Variants in SH3PXD2A observed in about 807,000 individuals in gnomAD.
SH3PXD2A encodes the protein SH3 and PX domains 2A.
A neutral mutation model predicts 115.2 loss-of-function variants in SH3PXD2A; 32 were observed. The ratio of observed to expected loss-of-function variants is 0.28; its 90% CI spans 0.21 to 0.37. The LOEUF (loss-of-function observed/expected upper bound fraction) is 0.37, where lower values mean the gene tolerates loss of function less well. Among genes scored for constraint, SH3PXD2A ranks in the 10% least tolerant of loss-of-function variants. SH3PXD2A has a pLI of 1.00. For synonymous variants in SH3PXD2A, 610 were observed against 629.1 expected (o/e 0.97, Z 0.45); for missense variants, 1,328 against 1,498.7 (o/e 0.89, Z 1.88).
At chr10:103,850,757 C>G (rs1358190449) in intron 1 of SH3PXD2A, among the ~76,000 whole-genome samples, 1 of 152,218 alleles carries the variant, frequency 6.6e-6, no homozygotes, top group African/African-American at 2.4e-5. Context: ...CTGTGAAAAG[C>G]TGGGCCGTCC....
At chr10:103,730,271 T>A (rs1288593025) in intron 4 of SH3PXD2A, among the ~76,000 whole-genome samples, 1 of 130,160 alleles carries the variant, frequency 7.7e-6, no homozygotes, top group Admixed American at 7.3e-5. Flanking sequence ...TGCACACTGA[T>A]TTTTTTTGTT....
intron 1 of SH3PXD2A, among the ~76,000 whole-genome samples, chr10:103,842,474 A>C (rs2039610555): frequency 6.6e-6 from 1 of 152,148 alleles, no homozygotes; most frequent in South Asian, 2.1e-4. Flanking sequence ...TCCTTACTGT[A>C]CTATCAAATA....
rs1401203240 is a variant in SH3PXD2A at position 103,603,550 on chromosome 10, A to G, written c.1668T>C (p.Pro556=). 6.2e-7 allele frequency: 1 copy of G among 1,612,758 alleles called. No individual in the cohort carries two copies. The highest frequency in any genetic ancestry group is 1.7e-5 in the Admixed American group (1 of 59,880). Residue 556 remains proline, a synonymous_variant, in exon 15 of 15, where the codon CCT becomes CCC. Coordinates refer to ENST00000369774, the MANE Select transcript of SH3PXD2A (RefSeq NM_001394015.1). ...DSPRKLKYEE[P]EYDIPAFGFD... ...AGCCGAATGCAGGGATGTCATACTC[A>G]GGCTCCTCATACTTGAGCTTCCGCG...
chr10:103,790,821 G>A (rs1166646612), intron 2 of SH3PXD2A, among the ~76,000 whole-genome samples: 1 of 152,246 alleles, frequency 6.6e-6, no homozygotes, highest in Non-Finnish European at 1.5e-5. Flanking sequence ...ATGAGTGGGA[G>A]ATAGCAACAT....
At chr10:103,809,324 C>G (rs571132093) in intron 1 of SH3PXD2A, among the ~76,000 whole-genome samples, 2 of 152,282 alleles carry the variant, frequency 1.3e-5, no homozygotes, top group Admixed American at 1.3e-4. Context: ...CATCTGACAA[C>G]AGGACTTTGT....
intron 8 of SH3PXD2A, among the ~76,000 whole-genome samples, chr10:103,633,727 CAA>C (rs35917262): frequency 1.8e-3 from 135 of 74,306 alleles, no homozygotes; most frequent in African/African-American, 3.9e-3. Context: ...GATTCTGTCT[CAA>C]AAAAAAAAAA....
At chr10:103,752,817 T>C (rs2134207040) in intron 3 of SH3PXD2A, among the ~76,000 whole-genome samples, 1 of 152,322 alleles carries the variant, frequency 6.6e-6, no homozygotes, top group East Asian at 1.9e-4. Flanking sequence ...CTTCATAGGT[T>C]TGGGTTTCCA....
intron 6 of SH3PXD2A, among the ~76,000 whole-genome samples, chr10:103,671,838 T>G: frequency 6.6e-6 from 1 of 152,294 alleles, no homozygotes; most frequent in East Asian, 1.9e-4. Flanking sequence ...CCTGCCTTCC[T>G]CCTGTCCCTG....
At chr10:103,830,740 A>G (rs2039475367) in intron 1 of SH3PXD2A, among the ~76,000 whole-genome samples, 1 of 152,248 alleles carries the variant, frequency 6.6e-6, no homozygotes, top group African/African-American at 2.4e-5. Flanking sequence ...AAACAAAATC[A>G]ATAGCATAAC....
chr10:103,753,732 A>C (rs1176722478), intron 3 of SH3PXD2A: 1 of 152,242 alleles, frequency 6.6e-6, no homozygotes, highest in Non-Finnish European at 1.5e-5. Flanking sequence ...AATAAGTAGT[A>C]GCTATAATCC....
Position 103,804,550 on chromosome 10 carries a change from C to A in SH3PXD2A, c.73-3188G>T, listed in dbSNP as rs549400421. ...TGTTAGCCAGGATGGTCTCGATCTT[C>A]TCACCTCGTGATCTGCTTGCCTCAG... On this transcript the variant is annotated intron_variant, in intron 1 of 14. Coordinates refer to ENST00000369774, the MANE Select transcript of SH3PXD2A (RefSeq NM_001394015.1). Among the ~76,000 whole-genome samples, 343 of 152,004 alleles carry A rather than the reference C, an allele frequency of 2.3e-3. 2 individuals carry two copies. Among genetic ancestry groups the A allele is most frequent in the African/African-American group, 7.9e-3 (326 of 41,420 alleles).
chr10:103,832,139 G>A (rs2039487693), intron 1 of SH3PXD2A, among the ~76,000 whole-genome samples: 1 of 152,108 alleles, frequency 6.6e-6, no homozygotes, highest in Non-Finnish European at 1.5e-5. Flanking sequence ...TGCCTACAAC[G>A]AGCAGCAGCC....
chr10:103,703,366 C>T (rs752888466), intron 5 of SH3PXD2A, among the ~76,000 whole-genome samples: 8 of 152,234 alleles, frequency 5.3e-5, no homozygotes, highest in Non-Finnish European at 7.3e-5. Context: ...TACAGATGCA[C>T]CTCAGTCAGC....
chr10:103,632,999 C>A (rs926063742), intron 8 of SH3PXD2A, among the ~76,000 whole-genome samples: 1 of 151,496 alleles, frequency 6.6e-6, no homozygotes, highest in Non-Finnish European at 1.5e-5. Context: ...AACCTCCCCC[C>A]GGCCAAAAAA....
intron 1 of SH3PXD2A, among the ~76,000 whole-genome samples, chr10:103,820,682 C>T (rs2039370595): frequency 6.6e-6 from 1 of 151,972 alleles, no homozygotes; most frequent in South Asian, 2.1e-4. Flanking sequence ...AAGGCGTGAG[C>T]TATAGATTCC....
chr10:103,719,705 CTTTTTTTTTTTCTTTCTTTTT>C (rs1283882422), intron 5 of SH3PXD2A, among the ~76,000 whole-genome samples: 1 of 136,452 alleles, frequency 7.3e-6, no homozygotes, highest in Non-Finnish European at 1.6e-5. Context: ...ATTTCTTTTT[CTTTTTTTTTTTCTTTCTTTTT>C]TTTTTTTTTT....
At chr10:103,832,969 T>C (rs956145447) in intron 1 of SH3PXD2A, among the ~76,000 whole-genome samples, 1 of 152,194 alleles carries the variant, frequency 6.6e-6, no homozygotes, top group Admixed American at 6.5e-5. Flanking sequence ...ATTGCCACAT[T>C]GTTTTCCAAA....
chr10:103,616,660 A>G (rs2036522945), intron 11 of SH3PXD2A, among the ~76,000 whole-genome samples: 1 of 152,248 alleles, frequency 6.6e-6, no homozygotes, highest in African/African-American at 2.4e-5. Flanking sequence ...CAGCCCTTGC[A>G]GCCAGCCCTG....
chr10:103,693,550 T>A (rs2037787959), intron 5 of SH3PXD2A: 1 of 151,548 alleles, frequency 6.6e-6, no homozygotes, highest in African/African-American at 2.4e-5. Flanking sequence ...ACTCAGCCCG[T>A]AAGTCACTAC....
Sources: allele counts gnomAD v4.1 joint callset (sites outside exome capture counted in the v4.1 genomes callset), GRCh38; gene constraint gnomAD v4.1.1; transcripts MANE v1.5; gene names NCBI Gene and HGNC (gene_info 2026-07-23, HGNC 2026-07-21).